Variants in CYB5R3 observed in about 807,000 individuals in gnomAD.
CYB5R3 encodes cytochrome b5 reductase 3, also known as NADH-cytochrome b5 reductase 3.
A neutral mutation model predicts 36.5 loss-of-function variants in CYB5R3; 28 were observed. That is an observed-to-expected ratio of 0.77 (90% CI 0.57 to 1.05). CYB5R3 has a LOEUF of 1.05. CYB5R3 is among the 50% of genes least tolerant of loss of function. The pLI, the probability that CYB5R3 is intolerant of heterozygous loss-of-function variation, is 0.00. For synonymous variants in CYB5R3, 181 were observed against 159.8 expected (o/e 1.13, Z -1.00); for missense variants, 474 against 408.9 (o/e 1.16, Z -1.37).
intron 1 of CYB5R3, among the ~76,000 whole-genome samples, chr22:42,645,374 T>C (rs1030716250): frequency 6.6e-6 from 1 of 152,210 alleles, no homozygotes; most frequent in Non-Finnish European, 1.5e-5. Context: ...CCCAGACTCC[T>C]GGATGAGGGC....
chr22:42,636,565 G>A, intron 2 of CYB5R3, 150 bp downstream of exon 2: 3 of 1,258,520 alleles, frequency 2.4e-6, no homozygotes, highest in Non-Finnish European at 3.3e-6. Context: ...CTTCCTGGTG[G>A]CCTTAGCAAG....
chr22:42,641,409 C>T (rs1330849383), intron 1 of CYB5R3, among the ~76,000 whole-genome samples: 2 of 150,616 alleles, frequency 1.3e-5, no homozygotes, highest in Admixed American at 6.6e-5. Context: ...TGGGCTCCAG[C>T]GATTCTCCTG....
chr22:42,623,252 G>A (rs544923054), intron 8 of CYB5R3, among the ~76,000 whole-genome samples: 1 of 152,344 alleles, frequency 6.6e-6, no homozygotes, highest in East Asian at 1.9e-4. Flanking sequence ...GTGGAGGTGG[G>A]GCGGCCCTCA....
At chr22:42,627,270 G>T (rs765270270) in intron 7 of CYB5R3, 34 bp downstream of exon 7, 15 of 1,588,100 alleles carry the variant, frequency 9.4e-6, no homozygotes, top group Non-Finnish European at 1.2e-5. Flanking sequence ...CTCAGGGTAA[G>T]CTGAGTTTCC....
Position 42,623,868 on chromosome 22 carries a change from C to G in CYB5R3, c.654G>C (p.Leu218=). ...FANQTEKDIL[L]RPELEELRNK... ...TCCTGAGTTCCTCCAGCTCAGGTCG[C>G]AGCAGGATGTCCTTCTCGGTCTGCA... Residue 218 remains leucine (L), a synonymous_variant, in exon 8 of 9, where the codon CTG becomes CTC. Transcript: ENST00000352397. The G allele has an allele frequency of 6.2e-7, 1 of 1,614,158 alleles. No individual in the cohort carries two copies. The highest frequency in any genetic ancestry group is 8.5e-7 in the Non-Finnish European group (1 of 1,179,994).
At chr22:42,629,106 A>G (rs1601936113) in intron 4 of CYB5R3, among the ~76,000 whole-genome samples, 2 of 152,100 alleles carry the variant, frequency 1.3e-5, no homozygotes, top group South Asian at 2.1e-4. Context: ...TTCATCCTCA[A>G]TTTGAATCCT....
chr22:42,620,461 T>C (rs8190470), intron 8 of CYB5R3, among the ~76,000 whole-genome samples: 1,889 of 152,176 alleles, frequency 0.012, 49 homozygotes, highest in African/African-American at 0.043. Context: ...TCCCCAAGAA[T>C]GTCGGCCCAT....
intron 2 of CYB5R3, among the ~76,000 whole-genome samples, chr22:42,634,443 CTTTTTAT>C (rs1192260647): frequency 3.3e-5 from 5 of 151,702 alleles, no homozygotes; most frequent in Non-Finnish European, 5.9e-5. Flanking sequence ...CTTTTTTTTG[CTTTTTAT>C]TTTTTATTTT....
rs145437748 is a variant in CYB5R3 at position 42,639,988 on chromosome 22, C to G, written c.22-3142G>C. The G allele has an allele frequency of 2.2e-5, 36 of 1,612,072 alleles. No homozygotes were observed. In the Admixed American group the frequency reaches 6.0e-4, roughly 27 times the overall value. ...TCAAACATTCTAGCCAATGATGCCA[C>G]GCTTGCCTGTGATCTCTCTGACATA... On this transcript the variant is annotated intron_variant, in intron 1 of 8. Coordinates refer to ENST00000352397, the MANE Select transcript of CYB5R3 (RefSeq NM_000398.7).
chr22:42,622,320 C>CA (rs1569316099), intron 8 of CYB5R3, among the ~76,000 whole-genome samples: 1 of 152,110 alleles, frequency 6.6e-6, no homozygotes, highest in East Asian at 1.9e-4. Context: ...CTTGGCCCCC[C>CA]ACATCACAGG....
Position 42,649,282 on chromosome 22 carries a change from C to T in CYB5R3, c.21+13G>A. Reference sequence around the variant, plus strand: ...GCGACGCCCCGCGGCCCCGGCGCCCCCTCCCCGCCTACCGTGCTGAGCTGG... The same window carrying T: ...GCGACGCCCCGCGGCCCCGGCGCCCTCTCCCCGCCTACCGTGCTGAGCTGG... On this transcript the variant is annotated intron_variant, in intron 1 of 8. Coordinates refer to ENST00000352397, the MANE Select transcript of CYB5R3 (RefSeq NM_000398.7). 9.9e-7 allele frequency: 1 copy of T among 1,011,530 alleles called. No homozygotes were observed. Among genetic ancestry groups the T allele is most frequent in the Non-Finnish European group, 1.2e-6 (1 of 841,854 alleles). 62.7% of individuals were successfully genotyped at this position (1,011,530 alleles called of 1,614,324 possible). A position where few individuals can be genotyped will look rare whatever the true frequency, so the allele number is the denominator to read the frequency against.
At chr22:42,623,655 A>ACAC in intron 8 of CYB5R3, 134 bp downstream of exon 8, 3 of 729,558 alleles carry the variant, frequency 4.1e-6, no homozygotes, top group Middle Eastern at 3.8e-4. Flanking sequence ...AGACGGGGCC[A>ACAC]CACCACCTGC....
chr22:42,643,124 C>G (rs1176730145), intron 1 of CYB5R3, among the ~76,000 whole-genome samples: 2 of 152,206 alleles, frequency 1.3e-5, no homozygotes, highest in East Asian at 3.9e-4. Context: ...CCTCTCAAGG[C>G]CTAGCCCCAT....
At chr22:42,634,628 G>T (rs1928789966) in intron 2 of CYB5R3, among the ~76,000 whole-genome samples, 1 of 144,972 alleles carries the variant, frequency 6.9e-6, no homozygotes, top group South Asian at 2.2e-4. Context: ...CATATTGATT[G>T]ATTGATTGAT....
intron 1 of CYB5R3, chr22:42,644,408 T>A (rs769252127): frequency 1.4e-6 from 1 of 720,580 alleles, no homozygotes; most frequent in South Asian, 1.5e-5. Context: ...TCTCTGCTCT[T>A]TCAACATCAA....
intron 7 of CYB5R3, among the ~76,000 whole-genome samples, chr22:42,625,523 A>C (rs1928220855): frequency 6.6e-6 from 1 of 152,120 alleles, no homozygotes; most frequent in South Asian, 2.1e-4. Context: ...TTTTTTAAAA[A>C]AAGTTATGTC....
At chr22:42,620,212 G>A (rs997425506) in intron 8 of CYB5R3, among the ~76,000 whole-genome samples, 2 of 152,140 alleles carry the variant, frequency 1.3e-5, no homozygotes, top group African/African-American at 4.8e-5. Context: ...TTGGCCTCCG[G>A]GGTGTCCCTT....
chr22:42,634,622 T>C (rs963108084), intron 2 of CYB5R3, among the ~76,000 whole-genome samples: 6 of 144,898 alleles, frequency 4.1e-5, no homozygotes, highest in Non-Finnish European at 7.6e-5. Flanking sequence ...AATTTTCATA[T>C]TGATTGATTG....
In CYB5R3 at chr22:42,623,907, G is replaced by A. The variant is rs372097479; in HGVS notation, c.634-19C>T. 48 of 1,608,548 alleles carry A rather than the reference G, an allele frequency of 3.0e-5. No homozygotes were observed. Among genetic ancestry groups the A allele is most frequent in the South Asian group, 1.9e-4 (17 of 90,976 alleles). On this transcript the variant is annotated intron_variant, in intron 7 of 8. Coordinates refer to ENST00000352397, the MANE Select transcript of CYB5R3 (RefSeq NM_000398.7). Reference sequence around the variant, plus strand: ...TCTCGGTCTGCAGGGGACAGGGCCAGGCAGTCAGGAAGGATGGGTGGCAGA... The same window carrying A: ...TCTCGGTCTGCAGGGGACAGGGCCAAGCAGTCAGGAAGGATGGGTGGCAGA...
Sources: allele counts gnomAD v4.1 joint callset (sites outside exome capture counted in the v4.1 genomes callset), GRCh38; gene constraint gnomAD v4.1.1; transcripts MANE v1.5; gene names NCBI Gene and HGNC (gene_info 2026-07-23, HGNC 2026-07-21).